The following SMOC2 variants were observed in gnomAD, a reference collection of about 807,000 sequenced individuals.
SMOC2 encodes the protein SPARC related modular calcium binding 2, also known as SPARC-related modular calcium-binding protein 2.
Under a neutral mutation model 61.4 loss-of-function variants are expected in SMOC2, and 39 were observed. The observed-to-expected ratio is 0.64, with a 90% CI of 0.49 to 0.83. SMOC2 has a LOEUF of 0.83. Among genes scored for constraint, SMOC2 ranks in the 40% least tolerant of loss-of-function variants. The pLI is 0.00. For synonymous variants in SMOC2, 247 were observed against 239.9 expected (o/e 1.03, Z -0.27); for missense variants, 556 against 592.9 (o/e 0.94, Z 0.65).
chr6:168,536,093 G>C, intron 4 of SMOC2, among the ~76,000 whole-genome samples: 1 of 152,218 alleles, frequency 6.6e-6, no homozygotes, highest in Non-Finnish European at 1.5e-5. Flanking sequence ...CAGGTCTGTC[G>C]TGTGGCCAAA....
chr6:168,630,747 A>C (rs1786545684), intron 9 of SMOC2, among the ~76,000 whole-genome samples: 1 of 152,172 alleles, frequency 6.6e-6, no homozygotes, highest in Admixed American at 6.5e-5. Context: ...TGAGAAAGAG[A>C]ATGTGCGCTT....
At chr6:168,511,451 A>G (rs1428707680) in intron 2 of SMOC2, among the ~76,000 whole-genome samples, 1 of 152,190 alleles carries the variant, frequency 6.6e-6, no homozygotes, top group African/African-American at 2.4e-5. Flanking sequence ...CTATGATGAG[A>G]ATAACATAAG....
At chr6:168,498,332 A>G (rs754717988) in intron 1 of SMOC2, among the ~76,000 whole-genome samples, 25 of 152,204 alleles carry the variant, frequency 1.6e-4, no homozygotes, top group Non-Finnish European at 3.5e-4. Flanking sequence ...GCCTCAGAAA[A>G]GAAACTCTGG....
chr6:168,664,055 C>T lies in SMOC2; in HGVS notation c.1286-19C>T. 3 of 1,423,894 alleles carry T rather than the reference C, an allele frequency of 2.1e-6. No homozygotes were observed. The highest frequency in any genetic ancestry group is 2.9e-6 in the Non-Finnish European group (3 of 1,044,908). The allele number at this position is 1,423,894 out of a possible 1,614,324, so 88.2% of individuals were successfully genotyped here. The stretch of plus-strand genomic sequence containing the variant: ...ATGAGTCTCTGATTTTTAATAATAT[C>T]TTTTTTTTTTCCTGCTAGCCCCCAG... On this transcript the variant is annotated intron_variant, in intron 11 of 12. Coordinates refer to ENST00000356284, the MANE Select transcript of SMOC2 (RefSeq NM_001166412.2).
intron 1 of SMOC2, among the ~76,000 whole-genome samples, chr6:168,444,887 G>A (rs910375782): frequency 6.6e-6 from 1 of 152,138 alleles, no homozygotes; most frequent in East Asian, 1.9e-4. Context: ...GAACAATATT[G>A]CCTGGGACCC....
chr6:168,649,254 T>G (rs1433238503), intron 9 of SMOC2, among the ~76,000 whole-genome samples: 1 of 152,224 alleles, frequency 6.6e-6, no homozygotes, highest in African/African-American at 2.4e-5. Context: ...AAAACTTTTC[T>G]TAGTAAAAAA....
At chr6:168,490,892 G>T (rs1014138221) in intron 1 of SMOC2, among the ~76,000 whole-genome samples, 2 of 152,238 alleles carry the variant, frequency 1.3e-5, no homozygotes, top group Non-Finnish European at 2.9e-5. Context: ...TGCTGCCCAG[G>T]TGTGCCCATG....
At chr6:168,664,846 A>G (rs771651058) in intron 12 of SMOC2, 45 of 469,524 alleles carry the variant, frequency 9.6e-5, no homozygotes, top group African/African-American at 9.0e-4. Flanking sequence ...CAAAGCCAGG[A>G]CAAAATCCCC....
intron 8 of SMOC2, among the ~76,000 whole-genome samples, chr6:168,606,989 G>A (rs904902008): frequency 1.3e-5 from 2 of 152,134 alleles, no homozygotes; most frequent in African/African-American, 4.8e-5. Flanking sequence ...TGAGTGGAGG[G>A]GAAGCGAGGA....
chr6:168,529,419 C>T (rs565864097), intron 4 of SMOC2, among the ~76,000 whole-genome samples: 55 of 152,290 alleles, frequency 3.6e-4, no homozygotes, highest in Admixed American at 2.4e-3. Context: ...GTTTCCACGT[C>T]GGGGCAGGGT....
intron 10 of SMOC2, among the ~76,000 whole-genome samples, chr6:168,652,131 A>G (rs1222710542): frequency 1.3e-5 from 2 of 152,230 alleles, no homozygotes; most frequent in African/African-American, 2.4e-5. Context: ...GTTTTCGCAA[A>G]CTAAGCTAAA....
Position 168,452,047 on chromosome 6 carries a change from C to A in SMOC2, c.84+10593C>A, listed in dbSNP as rs1781479375. On this transcript the variant is annotated intron_variant, in intron 1 of 12. Coordinates refer to ENST00000356284, the MANE Select transcript of SMOC2 (RefSeq NM_001166412.2). This position sits in a 1 kb window ranked among gnomAD's most constrained non-coding sequence, Gnocchi z 5.0. ...AGGAGGGAGCCCCAGAATGGCTGAG[C>A]TCTGTCTTTTAGGGGAGGGTCGCAT... Among the ~76,000 whole-genome samples, 1 of 152,206 alleles carries A rather than the reference C, an allele frequency of 6.6e-6. No individual in the cohort carries two copies. Among genetic ancestry groups the A allele is most frequent in the African/African-American group, 2.4e-5 (1 of 41,454 alleles).
At chr6:168,491,915 A>G (rs1004462166) in intron 1 of SMOC2, among the ~76,000 whole-genome samples, 3 of 152,172 alleles carry the variant, frequency 2.0e-5, no homozygotes, top group Admixed American at 6.5e-5. Flanking sequence ...CTACATCGAA[A>G]TATTATTTTT....
chr6:168,515,602 T>G (rs2342450), intron 2 of SMOC2, among the ~76,000 whole-genome samples: 29 of 151,798 alleles, frequency 1.9e-4, no homozygotes, highest in Non-Finnish European at 3.5e-4. Context: ...AGACGGGCCT[T>G]GCCCTGAGCG....
intron 9 of SMOC2, among the ~76,000 whole-genome samples, chr6:168,614,415 C>T (rs1785991829): frequency 2.3e-5 from 2 of 88,674 alleles, no homozygotes; most frequent in Non-Finnish European, 4.4e-5. Flanking sequence ...CTCTTTATAC[C>T]TACAGCCAGC....
chr6:168,627,994 G>T (rs1337202113), intron 9 of SMOC2, among the ~76,000 whole-genome samples: 1 of 152,054 alleles, frequency 6.6e-6, no homozygotes, highest in African/African-American at 2.4e-5. Context: ...GCCAGTGACT[G>T]CCCGTTGAAC....
rs77516251 is a variant in SMOC2, at chr6:168,570,032, C to T, written c.637+20829C>T. Among the ~76,000 whole-genome samples the T allele has an allele frequency of 9.8e-3, 1,490 of 151,890 alleles. 15 individuals are homozygous for T. Among genetic ancestry groups the T allele is most frequent in the Non-Finnish European group, 0.014 (928 of 67,994 alleles). On this transcript the variant is annotated intron_variant, in intron 7 of 12. Coordinates refer to ENST00000356284, the MANE Select transcript of SMOC2 (RefSeq NM_001166412.2). ...TATATTGGAGTTAATTTATTAAAGGCGTAAGGTCCGTGTCTAGACGGCATT... is the reference window on the plus strand; with the variant it reads ...TATATTGGAGTTAATTTATTAAAGGTGTAAGGTCCGTGTCTAGACGGCATT...
intron 1 of SMOC2, among the ~76,000 whole-genome samples, chr6:168,468,821 A>G (rs1228782652): frequency 6.6e-6 from 1 of 152,238 alleles, no homozygotes; most frequent in East Asian, 1.9e-4. Context: ...GACCTGAGCC[A>G]CCACACCCGG....
chr6:168,652,928 C>T (rs775226229), intron 10 of SMOC2, 26 bp from the exon 11 acceptor site: 2 of 1,606,846 alleles, frequency 1.2e-6, no homozygotes, highest in Admixed American at 3.4e-5. Context: ...GTTTAAGCAT[C>T]CTGACGGCAT....
Sources: allele counts gnomAD v4.1 joint callset (sites outside exome capture counted in the v4.1 genomes callset), GRCh38; gene constraint gnomAD v4.1.1; non-coding constraint Gnocchi (gnomAD v3.1); transcripts MANE v1.5; gene names NCBI Gene and HGNC (gene_info 2026-07-23, HGNC 2026-07-21).